The following SLC24A2 variants were observed in gnomAD, a reference collection of about 807,000 sequenced individuals.
SLC24A2 encodes the protein solute carrier family 24 member 2.
In SLC24A2, 36 loss-of-function variants were observed where a neutral mutation model predicts 62.0. That is an observed-to-expected ratio of 0.58 (90% CI 0.44 to 0.77). The LOEUF (loss-of-function observed/expected upper bound fraction) is 0.77, where lower values mean the gene tolerates loss of function less well. Ranked by LOEUF, SLC24A2 falls within the 30% of genes least tolerant of loss-of-function variation. The pLI, the probability that SLC24A2 is intolerant of heterozygous loss-of-function variation, is 0.00. For synonymous variants in SLC24A2, 358 were observed against 294.0 expected (o/e 1.22, Z -2.23); for missense variants, 846 against 817.9 (o/e 1.03, Z -0.42).
chr9:19,820,694 G>T, the SLC24A2 span, among the ~76,000 whole-genome samples: 1 of 151,926 alleles, frequency 6.6e-6, no homozygotes, highest in Admixed American at 6.6e-5. Flanking sequence ...GTGTGTGTGT[G>T]TGTATTTGTG....
intron 2 of SLC24A2, among the ~76,000 whole-genome samples, chr9:19,728,040 G>T (rs1030012441): frequency 1.3e-5 from 2 of 152,118 alleles, no homozygotes; most frequent in Admixed American, 1.3e-4. Flanking sequence ...TCCACTGCTT[G>T]CCAGGTAAGG....
At chr9:19,591,006 T>C (rs1836533207) in intron 5 of SLC24A2, among the ~76,000 whole-genome samples, 1 of 152,120 alleles carries the variant, frequency 6.6e-6, no homozygotes, top group Non-Finnish European at 1.5e-5. Context: ...TCTATCCTAG[T>C]TTTCTTCCCA....
At chr9:19,542,179 G>T (rs867352126) in intron 8 of SLC24A2, among the ~76,000 whole-genome samples, 11 of 152,270 alleles carry the variant, frequency 7.2e-5, no homozygotes, top group African/African-American at 2.4e-4. Flanking sequence ...CGTCGCTCAC[G>T]CTGGGAGCTG....
At chr9:20,070,875 T>G in the SLC24A2 span, among the ~76,000 whole-genome samples, 1 of 152,182 alleles carries the variant, frequency 6.6e-6, no homozygotes, top group African/African-American at 2.4e-5. Flanking sequence ...TTTGGATCTA[T>G]GTTCCTGCCC....
chr9:19,609,125 C>T (rs1171455988), intron 4 of SLC24A2, among the ~76,000 whole-genome samples: 1 of 152,284 alleles, frequency 6.6e-6, no homozygotes, highest in Admixed American at 6.5e-5. Flanking sequence ...CCAGTGCTCA[C>T]TGTGTCCAGT....
In SLC24A2 at chr9:19,599,994, A is replaced by C. The variant is rs1204074313; in HGVS notation, c.1079-2715T>G. Among the ~76,000 whole-genome samples, 1 of 152,208 alleles carries C rather than the reference A, an allele frequency of 6.6e-6. No individual in the cohort carries two copies. The highest frequency in any genetic ancestry group is 2.4e-5 in the African/African-American group (1 of 41,452). ...GTTTTTTTGGGGATAGGAGGAAAGA[A>C]GTAAGGGAGTTCAAGAGTCTATTAG... On this transcript the variant is annotated intron_variant, in intron 4 of 10. Transcript: ENST00000341998. The surrounding 1 kb of genome is among the most constrained non-coding windows in gnomAD (Gnocchi z 4.5).
chr9:20,028,692 T>C, the SLC24A2 span, among the ~76,000 whole-genome samples: 1 of 152,142 alleles, frequency 6.6e-6, no homozygotes, highest in South Asian at 2.1e-4. Flanking sequence ...CAAAGGGCAA[T>C]AAAAATTTTT....
At chr9:20,113,192 C>A in the SLC24A2 span, among the ~76,000 whole-genome samples, 17 of 152,244 alleles carry the variant, frequency 1.1e-4, no homozygotes, top group Non-Finnish European at 2.2e-4. Flanking sequence ...CACTCCAGGT[C>A]TTTCAAACCC....
In SLC24A2 at chr9:19,573,529, C is replaced by CACACACACACACAGAGAGAG. The variant is rs1390433234; in HGVS notation, c.1229-61_1229-60insCTCTCTCTGTGTGTGTGTGT. ...ACACACACACACACACACACACACACAGAGAGAGAGAGAGAGAGAGAGAGA... is the reference window on the plus strand; with the variant it reads ...ACACACACACACACACACACACACACACACACACACACAGAGAGAGAGAGAGAGAGAGAGAGAGAGAGAGA... On this transcript the variant is annotated intron_variant, in intron 6 of 10. Transcript: ENST00000341998. 7 of 432,698 alleles carry CACACACACACACAGAGAGAG rather than the reference C, an allele frequency of 1.6e-5. No individual in the cohort carries two copies. The Admixed American group carries it at 2.0e-4, about 13-fold the overall frequency. The allele number at this position is 432,698 out of a possible 1,614,324, so 26.8% of individuals were successfully genotyped here. A position where few individuals can be genotyped will look rare whatever the true frequency, so the allele number is the denominator to read the frequency against.
In SLC24A2 at chr9:19,513,184, A is replaced by ATATATATGTATATATT. The variant is rs1182533670; in HGVS notation, c.*2953_*2968dup. On this transcript the variant is annotated 3_prime_UTR_variant, in exon 11 of 11. Coordinates refer to ENST00000341998, the MANE Select transcript of SLC24A2 (RefSeq NM_020344.4). The stretch of plus-strand genomic sequence containing the variant: ...TATATATATATATATATGTATATAT[A>ATATATATGTATATATT]TATATATGTATATATTTATATATGT... 2.1e-5 allele frequency: 2 copies of ATATATATGTATATATT among 93,448 alleles called. No homozygotes were observed. Among genetic ancestry groups the ATATATATGTATATATT allele is most frequent in the Non-Finnish European group, 4.6e-5 (2 of 43,416 alleles). The allele number at this position is 93,448 out of a possible 1,614,324, so 5.8% of individuals were successfully genotyped here. A position where few individuals can be genotyped will look rare whatever the true frequency, so the allele number is the denominator to read the frequency against.
At chr9:19,869,043 A>G in the SLC24A2 span, among the ~76,000 whole-genome samples, 1 of 152,084 alleles carries the variant, frequency 6.6e-6, no homozygotes, top group Non-Finnish European at 1.5e-5. Flanking sequence ...GTGCAGTGGC[A>G]GGAACACGGC....
the SLC24A2 span, among the ~76,000 whole-genome samples, chr9:20,135,170 C>G: frequency 6.6e-6 from 1 of 152,202 alleles, no homozygotes; most frequent in South Asian, 2.1e-4. Context: ...TCTCCCAATC[C>G]TTTTGGAAAC....
chr9:19,704,565 C>CA (rs981207695), intron 2 of SLC24A2, among the ~76,000 whole-genome samples: 5 of 152,154 alleles, frequency 3.3e-5, no homozygotes, highest in African/African-American at 1.2e-4. Flanking sequence ...ACTATATTTT[C>CA]AATTCCTTTT....
chr9:19,884,345 T>C, the SLC24A2 span, among the ~76,000 whole-genome samples: 1 of 152,210 alleles, frequency 6.6e-6, no homozygotes, highest in Non-Finnish European at 1.5e-5. Context: ...TGCTTGATGA[T>C]TACTGGATGA....
chr9:19,592,513 C>G (rs1022075255), intron 5 of SLC24A2, among the ~76,000 whole-genome samples: 3 of 151,648 alleles, frequency 2.0e-5, no homozygotes, highest in Non-Finnish European at 4.4e-5. Flanking sequence ...TACCTACCTA[C>G]CTACCTACCT....
chr9:19,871,173 T>C, the SLC24A2 span, among the ~76,000 whole-genome samples: 1 of 152,186 alleles, frequency 6.6e-6, no homozygotes, highest in Admixed American at 6.5e-5. Context: ...CTTTTCTCCA[T>C]TCTTTGAACA....
At chr9:20,257,792 C>A in the SLC24A2 span, among the ~76,000 whole-genome samples, 38 of 152,296 alleles carry the variant, frequency 2.5e-4, no homozygotes, top group East Asian at 7.3e-3. Context: ...AGCAAACCCT[C>A]AATAAATAAT....
chr9:19,598,218 A>G (rs994064608), intron 4 of SLC24A2, among the ~76,000 whole-genome samples: 2 of 152,224 alleles, frequency 1.3e-5, no homozygotes, highest in African/African-American at 4.8e-5. Context: ...TTCTGGTCAT[A>G]ACACCACTCT....
rs555332595 is a variant in SLC24A2 at position 19,786,982 on chromosome 9, G to T, written c.-116C>A. ...GCTTGTGGGGTACTTTCACAATCAG[G>T]GATTGTTATGCTTCACAGGAAACTT... On this transcript the variant is annotated 5_prime_UTR_variant, in exon 2 of 11. Coordinates refer to ENST00000341998, the MANE Select transcript of SLC24A2 (RefSeq NM_020344.4). This position sits in a 1 kb window ranked among gnomAD's most constrained non-coding sequence, Gnocchi z 5.0. The T allele has an allele frequency of 8.9e-6, 13 of 1,462,008 alleles. No homozygotes were observed. Among genetic ancestry groups the T allele is most frequent in the African/African-American group, 1.4e-5 (1 of 71,168 alleles). The allele number at this position is 1,462,008 out of a possible 1,614,324, so 90.6% of individuals were successfully genotyped here.
Sources: allele counts gnomAD v4.1 joint callset (sites outside exome capture counted in the v4.1 genomes callset), GRCh38; gene constraint gnomAD v4.1.1; non-coding constraint Gnocchi (gnomAD v3.1); transcripts MANE v1.5; gene names NCBI Gene and HGNC (gene_info 2026-07-23, HGNC 2026-07-21).